Variants in USH2A observed in about 807,000 individuals in gnomAD.
The protein encoded by USH2A is Usher syndrome 2A (autosomal recessive, mild).
USH2A carries 443 observed loss-of-function variants against 538.9 expected under a neutral mutation model. That is an observed-to-expected ratio of 0.82 (90% CI 0.76 to 0.89). The LOEUF is 0.89. USH2A is among the 40% of genes least tolerant of loss of function. The pLI is 0.00. For missense variants in USH2A, 6,633 were observed against 6,324.8 expected, an observed-to-expected ratio of 1.05 and a Z score of -1.65; for synonymous variants, 2,413 against 2,273.5, an observed-to-expected ratio of 1.06 and a Z score of -1.75.
At chr1:215,698,539 C>G (rs543711548) in intron 61 of USH2A, among the ~76,000 whole-genome samples, 1 of 152,182 alleles carries the variant, frequency 6.6e-6, no homozygotes, top group African/African-American at 2.4e-5. Flanking sequence ...GATGGTATCT[C>G]ATTGTGGTTT....
chr1:215,855,305 A>G (rs139398676), intron 44 of USH2A, among the ~76,000 whole-genome samples: 166 of 152,320 alleles, frequency 1.1e-3, no homozygotes, highest in African/African-American at 4.0e-3. Flanking sequence ...AAGTTTTGGG[A>G]TACAAAATTA....
chr1:215,656,909 C>T (rs1269553485), intron 64 of USH2A, among the ~76,000 whole-genome samples: 1 of 152,196 alleles, frequency 6.6e-6, no homozygotes, highest in Non-Finnish European at 1.5e-5. Context: ...GCATGAACAG[C>T]TATGCCAGTA....
intron 11 of USH2A, among the ~76,000 whole-genome samples, chr1:216,257,357 T>A (rs2036279084): frequency 6.6e-6 from 1 of 151,992 alleles, no homozygotes; most frequent in Non-Finnish European, 1.5e-5. Flanking sequence ...CCCCACTGTC[T>A]TCTTCTTTGC....
chr1:215,700,244 T>C (rs1658962650), intron 61 of USH2A, among the ~76,000 whole-genome samples: 1 of 152,234 alleles, frequency 6.6e-6, no homozygotes, highest in Admixed American at 6.5e-5. Context: ...TCAATGTTCA[T>C]CATGGATATT....
intron 49 of USH2A, among the ~76,000 whole-genome samples, chr1:215,799,555 T>C (rs1046147143): frequency 1.3e-5 from 2 of 152,142 alleles, no homozygotes; most frequent in African/African-American, 4.8e-5. Flanking sequence ...AATACTCCCA[T>C]TGGGAAGGTT....
intron 22 of USH2A, among the ~76,000 whole-genome samples, chr1:216,096,167 A>C (rs1334398687): frequency 1.3e-5 from 2 of 152,130 alleles, no homozygotes; most frequent in Non-Finnish European, 2.9e-5. Context: ...ATTTGCTTAC[A>C]AGGTCTTAAA....
At chr1:215,806,962 C>T (rs1416939863) in intron 49 of USH2A, among the ~76,000 whole-genome samples, 2 of 152,058 alleles carry the variant, frequency 1.3e-5, no homozygotes, top group Non-Finnish European at 2.9e-5. Flanking sequence ...ATTCTCACAA[C>T]TGCTTAACCA....
intron 26 of USH2A, 56 bp downstream of exon 26, chr1:216,083,400 A>G (rs2032014308): frequency 1.3e-6 from 2 of 1,569,952 alleles, no homozygotes; most frequent in Admixed American, 1.7e-5. Context: ...TGGTTTATTT[A>G]TTTTAAAGTT....
intron 11 of USH2A, among the ~76,000 whole-genome samples, chr1:216,255,955 C>T (rs2036251664): frequency 6.6e-6 from 1 of 152,078 alleles, no homozygotes; most frequent in African/African-American, 2.4e-5. Context: ...GACAAAATGA[C>T]TCCTTTTGCA....
Position 215,762,853 on chromosome 1 carries a change from G to C in USH2A, c.11048-3010C>G, listed in dbSNP as rs557031070. Among the ~76,000 whole-genome samples, 14 of 152,262 alleles carry C rather than the reference G, an allele frequency of 9.2e-5. No homozygotes were observed. In the East Asian group the frequency reaches 2.3e-3, roughly 25 times the overall value. On this transcript the variant is annotated intron_variant, in intron 56 of 71. Transcript: ENST00000307340. ...TGGGGTGGGGTAAACTAGCTGCAAG[G>C]TTAAAAGGGGAAAGGTAGAATTAAA... is the stretch of plus-strand genomic sequence containing the variant.
intron 47 of USH2A, among the ~76,000 whole-genome samples, chr1:215,827,913 A>T (rs1663200664): frequency 1.3e-5 from 2 of 152,132 alleles, no homozygotes; most frequent in African/African-American, 4.8e-5. Flanking sequence ...TAAAATATTA[A>T]TTTTTTCTTT....
intron 43 of USH2A, among the ~76,000 whole-genome samples, chr1:215,868,196 G>T (rs1211391666): frequency 1.3e-5 from 2 of 152,144 alleles, no homozygotes; most frequent in Non-Finnish European, 2.9e-5. Flanking sequence ...CTGATTTGAC[G>T]ATGCAAAGGT....
chr1:216,394,134 C>T (rs1321754155), intron 3 of USH2A, among the ~76,000 whole-genome samples: 2 of 152,096 alleles, frequency 1.3e-5, no homozygotes, highest in Non-Finnish European at 2.9e-5. Context: ...CCACTAAACA[C>T]CTATCAGAAG....
At chr1:216,022,829 CCT>C (rs1482394303) in intron 32 of USH2A, among the ~76,000 whole-genome samples, 3 of 152,150 alleles carry the variant, frequency 2.0e-5, no homozygotes, top group African/African-American at 7.2e-5. Flanking sequence ...AACTATTCCA[CCT>C]GGCACAGCAG....
At chr1:216,222,706 C>T (rs543019198) in intron 14 of USH2A, among the ~76,000 whole-genome samples, 11 of 152,212 alleles carry the variant, frequency 7.2e-5, no homozygotes, top group Non-Finnish European at 8.8e-5. Context: ...ACGATGGGTG[C>T]GGTGGCTCAC....
chr1:216,327,685 A>C, intron 4 of USH2A, 31 bp from the exon 5 acceptor site: 1 of 1,611,942 alleles, frequency 6.2e-7, no homozygotes, highest in Non-Finnish European at 8.5e-7. Context: ...ATAATATAAG[A>C]AGTCTCTGTT....
intron 14 of USH2A, among the ~76,000 whole-genome samples, chr1:216,231,254 TATATA>T (rs2035678654): frequency 1.0e-5 from 1 of 100,398 alleles, no homozygotes; most frequent in Non-Finnish European, 2.1e-5. Context: ...ATATATTATA[TATATA>T]ATATATATAT....
At chr1:216,398,037 AC>A (rs2039244007) in intron 3 of USH2A, among the ~76,000 whole-genome samples, 1 of 152,096 alleles carries the variant, frequency 6.6e-6, no homozygotes, top group Non-Finnish European at 1.5e-5. Flanking sequence ...CTCTCTTTTC[AC>A]CATGTCAGTT....
At chr1:216,133,431 T>G (rs138842594) in intron 21 of USH2A, among the ~76,000 whole-genome samples, 12 of 152,090 alleles carry the variant, frequency 7.9e-5, no homozygotes, top group African/African-American at 2.9e-4. Flanking sequence ...AAAAGACATA[T>G]GTGGGAGTCA....
Sources: gnomAD v4.1 joint callset for allele counts (sites outside exome capture counted in the v4.1 genomes callset) on GRCh38, gnomAD v4.1.1 for gene constraint, MANE v1.5 for transcripts, NCBI Gene and HGNC (gene_info 2026-07-23, HGNC 2026-07-21) for gene names.